The following ZMYM2 variants were observed in gnomAD, a reference collection of about 807,000 sequenced individuals.
ZMYM2 encodes the protein zinc finger MYM-type protein 2.
Under a neutral mutation model 162.8 loss-of-function variants are expected in ZMYM2, and 56 were observed. The ratio of observed to expected loss-of-function variants is 0.34; its 90% confidence interval spans 0.28 to 0.43. The LOEUF is 0.43. Ranked by LOEUF, ZMYM2 falls within the 20% of genes least tolerant of loss-of-function variation. The pLI is 1.00. For synonymous variants in ZMYM2, 510 were observed against 541.6 expected, an observed-to-expected ratio of 0.94 and a Z score of 0.81; for missense variants, 1,275 against 1,621.8, an observed-to-expected ratio of 0.79 and a Z score of 3.67.
intron 21 of ZMYM2, among the ~76,000 whole-genome samples, chr13:20,073,734 A>T (rs1248796539): frequency 6.6e-6 from 1 of 152,204 alleles, no homozygotes; most frequent in Non-Finnish European, 1.5e-5. Context: ...TTATTAAATG[A>T]TTATTTAAAT....
chr13:20,069,842 A>G (rs1048469260), intron 21 of ZMYM2, among the ~76,000 whole-genome samples: 2 of 121,390 alleles, frequency 1.6e-5, no homozygotes, highest in Non-Finnish European at 3.3e-5. Flanking sequence ...AAAAACTCAG[A>G]AAAAAAAAAG....
chr13:20,063,209 C>T (rs901158335), intron 18 of ZMYM2, among the ~76,000 whole-genome samples: 1 of 151,930 alleles, frequency 6.6e-6, no homozygotes, highest in East Asian at 1.9e-4. Context: ...TCAAGACCAG[C>T]CTGGGCAATG....
the ZMYM2 span, among the ~76,000 whole-genome samples, chr13:19,938,532 C>T: frequency 6.6e-6 from 1 of 151,898 alleles, no homozygotes; most frequent in Non-Finnish European, 1.5e-5. Context: ...TTTGGATTCA[C>T]TTTGAAAAGT....
At chr13:19,966,767 T>A (rs1955829405) in intron 2 of ZMYM2, among the ~76,000 whole-genome samples, 1 of 152,132 alleles carries the variant, frequency 6.6e-6, no homozygotes, top group African/African-American at 2.4e-5. Context: ...TAAAGAAAAA[T>A]TTGCACTTGT....
intron 21 of ZMYM2, among the ~76,000 whole-genome samples, chr13:20,073,851 G>A (rs1386340012): frequency 2.0e-5 from 3 of 152,022 alleles, no homozygotes; most frequent in African/African-American, 7.2e-5. Flanking sequence ...TTTTGTTGTA[G>A]TAAAATATAC....
chr13:19,953,711 C>T (rs908329906), upstream of ZMYM2, among the ~76,000 whole-genome samples: 5 of 142,240 alleles, frequency 3.5e-5, no homozygotes, highest in Admixed American at 2.8e-4. Flanking sequence ...AAAAAAATTC[C>T]ACCTATGGTT....
At chr13:20,025,849 A>G (rs764432767) in intron 7 of ZMYM2, 9 of 152,248 alleles carry the variant, frequency 5.9e-5, no homozygotes, top group Admixed American at 1.3e-4. Flanking sequence ...TTGTAACACA[A>G]TGGTAAGTAT....
At chr13:19,985,662 A>C (rs1207908800) in intron 2 of ZMYM2, among the ~76,000 whole-genome samples, 1 of 151,164 alleles carries the variant, frequency 6.6e-6, no homozygotes, top group African/African-American at 2.4e-5. Flanking sequence ...AGATCATGCC[A>C]CGGCACTCCA....
At chr13:19,911,473 G>A in the ZMYM2 span, among the ~76,000 whole-genome samples, 10 of 152,146 alleles carry the variant, frequency 6.6e-5, no homozygotes, top group Admixed American at 2.0e-4. Context: ...CAATTGTTAC[G>A]CTTTCTTTTA....
intron 9 of ZMYM2, among the ~76,000 whole-genome samples, chr13:20,030,079 G>A (rs1039960907): frequency 6.6e-6 from 1 of 151,946 alleles, no homozygotes; most frequent in African/African-American, 2.4e-5. Flanking sequence ...ACAGGTGTGA[G>A]CTATGACGTC....
intron 12 of ZMYM2, among the ~76,000 whole-genome samples, chr13:20,041,899 C>G (rs1337624084): frequency 2.0e-5 from 3 of 152,050 alleles, no homozygotes; most frequent in African/African-American, 7.2e-5. Flanking sequence ...TCTCTTCTGG[C>G]TTATAGGGTT....
the ZMYM2 span, among the ~76,000 whole-genome samples, chr13:19,892,360 C>G: frequency 6.6e-6 from 1 of 151,862 alleles, no homozygotes; most frequent in Non-Finnish European, 1.5e-5. Context: ...CAAGCTCCGC[C>G]TCCTGGGTTC....
intron 6 of ZMYM2, among the ~76,000 whole-genome samples, chr13:20,009,290 C>T (rs1281420617): frequency 6.6e-6 from 1 of 152,094 alleles, no homozygotes; most frequent in Non-Finnish European, 1.5e-5. Context: ...AAGGACTAGG[C>T]TCTGATGTTT....
intron 14 of ZMYM2, among the ~76,000 whole-genome samples, chr13:20,053,066 A>G (rs142333298): frequency 1.6e-4 from 25 of 152,214 alleles, no homozygotes; most frequent in Admixed American, 1.1e-3. Context: ...TTATAGGTTG[A>G]AAGTGGCCAT....
the ZMYM2 span, among the ~76,000 whole-genome samples, chr13:19,865,425 A>G: frequency 1.3e-5 from 2 of 152,216 alleles, no homozygotes; most frequent in East Asian, 3.9e-4. Flanking sequence ...CATATTGCAT[A>G]GTGCTGTATG....
intron 15 of ZMYM2, 81 bp downstream of exon 15, chr13:20,058,785 C>G (rs567278058): frequency 2.0e-5 from 30 of 1,535,652 alleles, no homozygotes; most frequent in African/African-American, 2.7e-5. Context: ...TTGAATGACA[C>G]CTCCAGGATA....
the ZMYM2 span, among the ~76,000 whole-genome samples, chr13:19,869,306 G>T: frequency 6.6e-6 from 1 of 151,882 alleles, no homozygotes; most frequent in Admixed American, 6.6e-5. Flanking sequence ...TATTTTTATT[G>T]ATTTCTTTTT....
intron 12 of ZMYM2, among the ~76,000 whole-genome samples, 159 bp downstream of exon 12, chr13:20,037,068 CTTGT>C (rs1348722080): frequency 6.6e-6 from 1 of 151,938 alleles, no homozygotes; most frequent in East Asian, 1.9e-4. Context: ...GTCATTTCTG[CTTGT>C]TTGAAGTAGC....
upstream of ZMYM2, among the ~76,000 whole-genome samples, chr13:19,957,770 G>A (rs951621820): frequency 2.0e-5 from 3 of 152,234 alleles, no homozygotes; most frequent in Non-Finnish European, 4.4e-5. Context: ...GACGCCCCAG[G>A]GCAGGCCTCA....
Sources: allele counts gnomAD v4.1 joint callset (sites outside exome capture counted in the v4.1 genomes callset), GRCh38; gene constraint gnomAD v4.1.1; transcripts MANE v1.5; gene names NCBI Gene and HGNC (gene_info 2026-07-23, HGNC 2026-07-21).